TCOF1: variants seen among roughly 807,000 people sequenced by gnomAD.
TCOF1 encodes treacle protein.
Under a neutral mutation model 149.0 loss-of-function variants are expected in TCOF1, and 33 were observed. The observed-to-expected ratio is 0.22, with a 90% confidence interval of 0.17 to 0.30. TCOF1 has a LOEUF of 0.30. Among genes scored for constraint, TCOF1 ranks in the 10% least tolerant of loss-of-function variants. The pLI is 1.00. For synonymous variants in TCOF1, 789 were observed against 738.8 expected (o/e 1.07, Z -1.10); for missense variants, 1,728 against 1,840.7 (o/e 0.94, Z 1.12).
At chr5:150,377,456 A>G (rs949363051) in intron 14 of TCOF1, among the ~76,000 whole-genome samples, 3 of 152,236 alleles carry the variant, frequency 2.0e-5, no homozygotes, top group Non-Finnish European at 2.9e-5. Flanking sequence ...CAAGCCTGGA[A>G]GAGCTGAGAG....
Position 150,388,470 on chromosome 5 carries a change from G to A in TCOF1, c.3046+382G>A, listed in dbSNP as rs374171820. On this transcript the variant is annotated intron_variant, in intron 18 of 26. Transcript: ENST00000643257. ...GTAAAGTAGGTTAGGCAATCCCTAAGCCAGAGACATCACAGGGATAGATTT... is the reference window on the plus strand; with the variant it reads ...GTAAAGTAGGTTAGGCAATCCCTAAACCAGAGACATCACAGGGATAGATTT... Among the ~76,000 whole-genome samples the A allele has an allele frequency of 5.3e-5, 8 of 152,314 alleles. No individual in the cohort carries two copies. The South Asian group carries it at 1.7e-3, about 32-fold the overall frequency.
intron 23 of TCOF1, chr5:150,394,127 C>T (rs1167035642): frequency 6.3e-6 from 1 of 158,996 alleles, no homozygotes; most frequent in Non-Finnish European, 1.4e-5. Flanking sequence ...GTAGGATAGC[C>T]CTTGCCTCAG....
rs766947080 is a variant in TCOF1 at position 150,368,576 on chromosome 5, G to T, written c.379-140G>T. The T allele has an allele frequency of 1.3e-4, 118 of 940,460 alleles. No homozygotes were observed. In the Middle Eastern group the frequency reaches 1.8e-3, roughly 14 times the overall value. The allele number at this position is 940,460 out of a possible 1,614,324, so 58.3% of individuals were successfully genotyped here. A position where few individuals can be genotyped will look rare whatever the true frequency, so the allele number is the denominator to read the frequency against. Reference sequence around the variant, plus strand: ...GTGCTGTTTTTAACCTCACTTTAAAGATTGGGAAACAGATTGAAGGGGTAG... The same window carrying T: ...GTGCTGTTTTTAACCTCACTTTAAATATTGGGAAACAGATTGAAGGGGTAG... On this transcript the variant is annotated intron_variant, in intron 4 of 26. Transcript: ENST00000643257.
chr5:150,386,609 A>AT (rs1766360070), intron 17 of TCOF1, among the ~76,000 whole-genome samples: 2 of 150,442 alleles, frequency 1.3e-5, no homozygotes, highest in Non-Finnish European at 3.0e-5. Context: ...CAGGATGGTG[A>AT]AACAGAGACC....
At chr5:150,376,353 G>C (rs941410535) in intron 13 of TCOF1, 23 bp downstream of exon 13, 12 of 1,613,984 alleles carry the variant, frequency 7.4e-6, no homozygotes, top group Non-Finnish European at 1.0e-5. Flanking sequence ...TTTTCTGGGC[G>C]GGCCTCAGGG....
intron 15 of TCOF1, 55 bp from the exon 16 acceptor site, chr5:150,379,174 G>A: frequency 2.5e-6 from 4 of 1,614,042 alleles, no homozygotes; most frequent in Non-Finnish European, 3.4e-6. Flanking sequence ...AGTGGGGAGT[G>A]GGACCTGAAA....
In TCOF1 at chr5:150,369,548, G is replaced by A. The variant is rs774405295; in HGVS notation, c.585G>A (p.Gln195=). 9.3e-6 allele frequency: 15 copies of A among 1,614,136 alleles called. No individual in the cohort carries two copies. The East Asian group carries it at 3.1e-4, about 34-fold the overall frequency. ...AAKPGMVSAG[Q]ADSSSEDTSS... The stretch of plus-strand genomic sequence containing the variant: ...CCTCAGGGATGGTGTCAGCGGGCCA[G>A]GCCGACAGCTCCAGCGAGGACACCT... The change falls in exon 6 of 27, where the codon CAG becomes CAA. Residue 195 remains glutamine, a synonymous_variant. Transcript: ENST00000643257.
At position 150,369,929 on chromosome 5, in the gene TCOF1, C is replaced by T. The variant is rs530400296; in HGVS notation, c.639+327C>T. Among the ~76,000 whole-genome samples, 168 of 152,262 alleles carry T rather than the reference C, an allele frequency of 1.1e-3. 1 individual carries two copies. The highest frequency in any genetic ancestry group is 4.0e-3 in the African/African-American group (166 of 41,546). On this transcript the variant is annotated intron_variant, in intron 6 of 26. Transcript: ENST00000643257. ...GGGAAGGGATGTGGAGGAGGCAGGG[C>T]ATTCCAGACAGGAAATGGGGCAAGA...
chr5:150,379,316 A>T lies in TCOF1; in HGVS notation c.2566A>T (p.Thr856Ser), dbSNP rs757058247. ...GCCATCTGTGGGGAAGGCCGTGGCT[A>T]CAGCAGCTCAGGCCCAGACAGGGCC... ...SVPSVGKAVA[T>S]AAQAQTGPEE... The change falls in exon 16 of 27, where the codon ACA (threonine) becomes TCA (serine). Residue 856 changes from threonine (T) to serine (S), a missense_variant. Thr to Ser is a moderately conservative substitution (Grantham distance 58). Around this residue, in one of 2 missense-constraint regions of TCOF1, gnomAD observed 1,696 missense variants for 1,765.4 expected, o/e 0.96. Coordinates refer to ENST00000643257, the MANE Select transcript of TCOF1 (RefSeq NM_001371623.1). 10 of 1,614,226 alleles carry T rather than the reference A, an allele frequency of 6.2e-6. No homozygotes were observed. Among genetic ancestry groups the T allele is most frequent in the Non-Finnish European group, 8.5e-6 (10 of 1,180,034 alleles).
intron 23 of TCOF1, 110 bp from the exon 24 acceptor site, chr5:150,396,172 C>A: frequency 8.0e-7 from 1 of 1,253,410 alleles, no homozygotes; most frequent in Non-Finnish European, 1.2e-6. Flanking sequence ...CCCATCTGTG[C>A]CATTGTAAGA....
chr5:150,384,650 G>T (rs1043033970), intron 17 of TCOF1: 11 of 982,268 alleles, frequency 1.1e-5, no homozygotes, highest in African/African-American at 1.8e-5. Flanking sequence ...CATTTAATTG[G>T]TATGTTAGTC....
chr5:150,378,747 A>G (rs1214807094), intron 14 of TCOF1, 158 bp from the exon 15 acceptor site: 2 of 967,818 alleles, frequency 2.1e-6, no homozygotes, highest in Non-Finnish European at 3.2e-6. Flanking sequence ...GACTGAACTG[A>G]GGCCCAGTGA....
intron 11 of TCOF1, 66 bp from the exon 12 acceptor site, chr5:150,375,655 A>AGTTT: frequency 6.2e-7 from 1 of 1,612,230 alleles, no homozygotes; most frequent in South Asian, 1.1e-5. Context: ...CTACAATCTT[A>AGTTT]GTTTCTTAAT....
intron 17 of TCOF1, chr5:150,384,641 A>G: frequency 1.0e-6 from 1 of 984,990 alleles, no homozygotes; most frequent in South Asian, 4.7e-5. Context: ...AAACTGAACC[A>G]TTTAATTGGT....
chr5:150,379,031 T>A lies in TCOF1; in HGVS notation c.2467T>A (p.Ser823Thr), dbSNP rs1422220193. 6.8e-6 allele frequency: 11 copies of A among 1,613,492 alleles called. No homozygotes were observed. The highest frequency in any genetic ancestry group is 9.3e-6 in the Non-Finnish European group (11 of 1,179,912). The change falls in exon 15 of 27, where the codon TCT (serine) becomes ACT (threonine). Residue 823 changes from serine (S) to threonine (T), a missense_variant. Ser to Thr is a moderately conservative substitution (Grantham distance 58). Coordinates refer to ENST00000643257, the MANE Select transcript of TCOF1 (RefSeq NM_001371623.1). The stretch of plus-strand genomic sequence containing the variant: ...TGCAGCTGCTCAAGCCAAGCAGAGG[T>A]CTCCATCCAAGGCAAGTGGGGCCAG... ...VTAAAQAKQR[S>T]PSKVKPPVRN... is the part of the protein sequence containing the mutation.
chr5:150,383,261 A>G, intron 17 of TCOF1: 1 of 1,120,488 alleles, frequency 8.9e-7, no homozygotes, highest in Non-Finnish European at 1.2e-6. Context: ...CCCATAGGGA[A>G]AATCTCGCCA....
intron 6 of TCOF1, 125 bp from the exon 7 acceptor site, chr5:150,371,879 CAG>C (rs1417215492): frequency 2.7e-5 from 23 of 845,712 alleles, no homozygotes; most frequent in Non-Finnish European, 2.9e-5. Context: ...ATAGCCGTCT[CAG>C]GGAGTTGCTT....
At chr5:150,373,048 G>A (rs1762892823) in intron 7 of TCOF1, among the ~76,000 whole-genome samples, 1 of 152,200 alleles carries the variant, frequency 6.6e-6, no homozygotes, top group Admixed American at 6.5e-5. Flanking sequence ...GCTACACAGT[G>A]TTGGATGGGC....
chr5:150,386,230 G>C (rs1766268859), intron 17 of TCOF1, among the ~76,000 whole-genome samples: 1 of 152,248 alleles, frequency 6.6e-6, no homozygotes, highest in Non-Finnish European at 1.5e-5. Context: ...CTAACAGGAG[G>C]CTTTTGCTGC....
Sources: allele counts gnomAD v4.1 joint callset (sites outside exome capture counted in the v4.1 genomes callset), GRCh38; gene constraint gnomAD v4.1.1; regional missense constraint gnomAD v4.1.1; transcripts MANE v1.5; gene names NCBI Gene and HGNC (gene_info 2026-07-23, HGNC 2026-07-21).